Variants in SEMA6D observed in about 807,000 individuals in gnomAD.
The protein encoded by SEMA6D is semaphorin-6D.
SEMA6D carries 35 observed loss-of-function variants against 106.6 expected under a neutral mutation model. The observed-to-expected ratio is 0.33, with a 90% CI of 0.25 to 0.44. SEMA6D has a LOEUF of 0.44. SEMA6D is among the 20% of genes least tolerant of loss of function. The pLI is 1.00. For missense variants in SEMA6D, 1,185 were observed against 1,345.9 expected, an observed-to-expected ratio of 0.88 and a Z score of 1.87; for synonymous variants, 499 against 487.7, an observed-to-expected ratio of 1.02 and a Z score of -0.31.
At chr15:47,433,530 AC>A (rs2041606326) in intron 2 of SEMA6D, among the ~76,000 whole-genome samples, 1 of 151,904 alleles carries the variant, frequency 6.6e-6, no homozygotes, top group Admixed American at 6.6e-5. Flanking sequence ...ATAAAAATTG[AC>A]CCCTTGTAGA....
intron 1 of SEMA6D, among the ~76,000 whole-genome samples, chr15:47,298,356 G>C (rs986253398): frequency 6.7e-6 from 1 of 149,078 alleles, no homozygotes; most frequent in Non-Finnish European, 1.5e-5. Flanking sequence ...TTTTCTCATT[G>C]AGCATACACA....
At chr15:47,471,704 G>A (rs764774094) in intron 3 of SEMA6D, among the ~76,000 whole-genome samples, 23 of 152,124 alleles carry the variant, frequency 1.5e-4, no homozygotes, top group Admixed American at 5.9e-4. Flanking sequence ...ACTAGGGGCT[G>A]GGCCTAGTGG....
At chr15:47,626,954 C>CT (rs2077213629) in intron 4 of SEMA6D, among the ~76,000 whole-genome samples, 1 of 152,046 alleles carries the variant, frequency 6.6e-6, no homozygotes, top group African/African-American at 2.4e-5. Flanking sequence ...CAAAGGAACA[C>CT]TAACAATAGG....
intron 4 of SEMA6D, among the ~76,000 whole-genome samples, chr15:47,651,293 A>G (rs149707497): frequency 4.6e-5 from 7 of 152,150 alleles, no homozygotes; most frequent in African/African-American, 1.7e-4. Context: ...CATCCCTGCT[A>G]CTTAGGAGGC....
At chr15:47,290,766 T>C (rs1281449307) in intron 1 of SEMA6D, among the ~76,000 whole-genome samples, 1 of 152,202 alleles carries the variant, frequency 6.6e-6, no homozygotes, top group African/African-American at 2.4e-5. Flanking sequence ...ATGAACACTT[T>C]GTTAGTCTTC....
intron 1 of SEMA6D, among the ~76,000 whole-genome samples, chr15:47,279,988 CT>C (rs1411325476): frequency 6.6e-6 from 1 of 150,758 alleles, no homozygotes; most frequent in Non-Finnish European, 1.5e-5. Context: ...CTAAAATTCT[CT>C]TTTTTGGTTG....
chr15:47,483,421 T>G (rs1344571332), intron 3 of SEMA6D, among the ~76,000 whole-genome samples: 1 of 152,146 alleles, frequency 6.6e-6, no homozygotes, highest in African/African-American at 2.4e-5. Flanking sequence ...CATTGGAGTC[T>G]CCATGTTTCT....
chr15:47,313,387 A>T (rs918503452), intron 1 of SEMA6D, among the ~76,000 whole-genome samples: 1 of 152,096 alleles, frequency 6.6e-6, no homozygotes, highest in Admixed American at 6.5e-5. Context: ...ACCTTTTCAC[A>T]TTGGCTTCTT....
chr15:47,756,199 G>A (rs1427045785), intron 1 of SEMA6D, among the ~76,000 whole-genome samples: 2 of 152,196 alleles, frequency 1.3e-5, no homozygotes, highest in Non-Finnish European at 2.9e-5. Flanking sequence ...GTGTGAGGAA[G>A]ATGGTTTCCT....
At chr15:47,556,536 A>G (rs1171345470) in intron 3 of SEMA6D, among the ~76,000 whole-genome samples, 1 of 152,084 alleles carries the variant, frequency 6.6e-6, no homozygotes, top group Non-Finnish European at 1.5e-5. Flanking sequence ...TGTAAGAAAA[A>G]ATGTTTCTTG....
At chr15:47,704,535 A>G (rs948841534) in intron 4 of SEMA6D, among the ~76,000 whole-genome samples, 1 of 152,080 alleles carries the variant, frequency 6.6e-6, no homozygotes, top group Non-Finnish European at 1.5e-5. Context: ...CCTGGGCAAC[A>G]TGGCCAAACC....
intron 3 of SEMA6D, among the ~76,000 whole-genome samples, chr15:47,595,619 CCTT>C (rs1248680378): frequency 2.0e-5 from 3 of 152,044 alleles, no homozygotes; most frequent in Admixed American, 6.6e-5. Flanking sequence ...CCAAAGTACT[CCTT>C]CTTCTTTATT....
chr15:47,552,862 ATATT>A (rs1436151896), intron 3 of SEMA6D, among the ~76,000 whole-genome samples: 34 of 69,112 alleles, frequency 4.9e-4, no homozygotes, highest in Non-Finnish European at 6.1e-4. Flanking sequence ...AAATATATAT[ATATT>A]TTTATATATA....
chr15:47,699,943 A>G (rs1354543778), intron 4 of SEMA6D, among the ~76,000 whole-genome samples: 1 of 152,246 alleles, frequency 6.6e-6, no homozygotes, highest in Non-Finnish European at 1.5e-5. Flanking sequence ...TGCAGGATGC[A>G]AGGTTAATAT....
intron 4 of SEMA6D, among the ~76,000 whole-genome samples, chr15:47,611,475 G>C (rs1277517814): frequency 6.6e-6 from 1 of 152,126 alleles, no homozygotes; most frequent in Non-Finnish European, 1.5e-5. Context: ...ATAGCACTTT[G>C]TATACAATAT....
chr15:47,365,531 C>T (rs1012918298), intron 1 of SEMA6D, among the ~76,000 whole-genome samples: 3 of 152,094 alleles, frequency 2.0e-5, no homozygotes, highest in Non-Finnish European at 2.9e-5. Context: ...TGAAACTAGT[C>T]TGCTGATGCC....
intron 1 of SEMA6D, among the ~76,000 whole-genome samples, chr15:47,297,041 T>A (rs2035830484): frequency 6.6e-6 from 1 of 152,118 alleles, no homozygotes; most frequent in Non-Finnish European, 1.5e-5. Context: ...GCAAAATGAA[T>A]CATCAGAGAG....
At chr15:47,326,265 TTATAA>T (rs2037125658) in intron 1 of SEMA6D, among the ~76,000 whole-genome samples, 1 of 152,230 alleles carries the variant, frequency 6.6e-6, no homozygotes. Context: ...TACAGAAATG[TTATAA>T]TAAATGCTAT....
intron 1 of SEMA6D, among the ~76,000 whole-genome samples, chr15:47,754,388 T>C (rs939388926): frequency 6.6e-6 from 1 of 152,232 alleles, no homozygotes; most frequent in Non-Finnish European, 1.5e-5. Flanking sequence ...TTATTTTGCC[T>C]TCATTTTTGA....
Sources: gnomAD v4.1 joint callset for allele counts (sites outside exome capture counted in the v4.1 genomes callset) on GRCh38, gnomAD v4.1.1 for gene constraint, MANE v1.5 for transcripts, NCBI Gene and HGNC (gene_info 2026-07-23, HGNC 2026-07-21) for gene names.